The following PSG7 variants were observed in gnomAD, a reference collection of about 807,000 sequenced individuals.
PSG7 encodes the protein pregnancy specific beta-1-glycoprotein 7, also known as pregnancy-specific beta-1-glycoprotein 7.
PSG7 carries 57 observed loss-of-function variants against 45.6 expected under a neutral mutation model. That is an observed-to-expected ratio of 1.25 (90% CI 1.01 to 1.56). The LOEUF (loss-of-function observed/expected upper bound fraction) is 1.56, where lower values mean the gene tolerates loss of function less well. PSG7 is among the 40% of genes most tolerant of loss of function. The pLI is 0.00. For missense variants in PSG7, 796 were observed against 508.4 expected, an observed-to-expected ratio of 1.57 and a Z score of -5.44; for synonymous variants, 298 against 194.4, an observed-to-expected ratio of 1.53 and a Z score of -4.43.
chr19:42,931,694 G>T (rs1015988461), intron 2 of PSG7, among the ~76,000 whole-genome samples: 3 of 151,402 alleles, frequency 2.0e-5, no homozygotes, highest in African/African-American at 7.3e-5. Flanking sequence ...TCATCATGAG[G>T]AAACAGTTGT....
chr19:42,936,890 AC>A, intron 1 of PSG7, 122 bp downstream of exon 1: 3 of 1,424,852 alleles, frequency 2.1e-6, no homozygotes, highest in African/African-American at 1.4e-5. Context: ...CTCTTGATCC[AC>A]CCACCTCAGC....
At chr19:42,928,281 C>A (rs1600564729) in intron 3 of PSG7, among the ~76,000 whole-genome samples, 1 of 151,520 alleles carries the variant, frequency 6.6e-6, no homozygotes, top group Non-Finnish European at 1.5e-5. Flanking sequence ...AAGAGCCTGT[C>A]AGCTCAGATT....
intron 3 of PSG7, among the ~76,000 whole-genome samples, chr19:42,927,925 T>G (rs1232812860): frequency 1.3e-5 from 2 of 151,800 alleles, no homozygotes; most frequent in African/African-American, 4.8e-5. Context: ...TTTCTTTCAT[T>G]TTTTGATTCT....
In PSG7 at chr19:42,929,690, C is replaced by T. The variant is rs374761450; in HGVS notation, c.461G>A (p.Ser154Asn). ...LETPKPSISS[S>N]NFNPREATEA... ...CGTGGCCTCCCTGGGGTTGAAATTG[C>T]TGCTGGAGATGGAGGGTTTGGGAGT... Residue 154 changes from serine to asparagine, a missense_variant, in exon 3 of 6, where the codon AGC becomes AAC. Coordinates refer to ENST00000406070, the MANE Select transcript of PSG7 (RefSeq NM_002783.3). 43 of 1,612,182 alleles carry T rather than the reference C, an allele frequency of 2.7e-5. 1 individual carries two copies. Among genetic ancestry groups the T allele is most frequent in the Non-Finnish European group, 3.6e-5 (43 of 1,179,130 alleles).
At chr19:42,933,305 ATATTT>A (rs1417906817) in intron 2 of PSG7, among the ~76,000 whole-genome samples, 12 of 13,728 alleles carry the variant, frequency 8.7e-4, no homozygotes, top group Admixed American at 6.3e-3. Flanking sequence ...ATATATATAT[ATATTT>A]TTTTTTTTTT....
intron 2 of PSG7, among the ~76,000 whole-genome samples, chr19:42,932,876 A>G (rs370655596): frequency 6.6e-5 from 10 of 151,366 alleles, no homozygotes; most frequent in African/African-American, 1.9e-4. Context: ...TCATTTGGCA[A>G]GAGTTTACAA....
intron 5 of PSG7, 148 bp downstream of exon 5, chr19:42,925,625 A>T: frequency 6.6e-7 from 1 of 1,511,550 alleles, no homozygotes; most frequent in Non-Finnish European, 8.9e-7. Flanking sequence ...GTTCTTAGAC[A>T]AATTTGGAGG....
rs782642468 is a variant in PSG7, at chr19:42,935,705, T to G, written c.129A>C (p.Pro43=). The G allele has an allele frequency of 4.3e-5, 70 of 1,611,816 alleles. 2 individuals are homozygous for G. Among genetic ancestry groups the G allele is most frequent in the Non-Finnish European group, 5.4e-5 (64 of 1,179,030 alleles). The change falls in exon 2 of 6, where the codon CCA becomes CCC. Residue 43 remains proline (P), a synonymous_variant. Transcript: ENST00000406070. ...TAQVTIEAQP[P]KVSEGKDVLL... is the part of the protein sequence containing the mutation. ...GAACATCCTTCCCCTCGGAAACTTT[T>G]GGTGGCTGGGCTTCAATCGTGACTT...
At position 42,926,335 on chromosome 19, in the gene PSG7, A is replaced by T. The variant is rs10404780; in HGVS notation, c.988+103T>A. 4.0e-3 allele frequency: 6,278 copies of T among 1,563,494 alleles called. 313 individuals are homozygous for T. In the African/African-American group the frequency reaches 0.075, roughly 19 times the overall value. On this transcript the variant is annotated intron_variant, in intron 4 of 5. Transcript: ENST00000406070. ...CGGATGTCCAGAAGTAAATATGTCT[A>T]TACTTGGACCGGAGAGAGACTGAGA...
At chr19:42,931,418 A>G (rs1331834272) in intron 2 of PSG7, among the ~76,000 whole-genome samples, 2 of 151,704 alleles carry the variant, frequency 1.3e-5, no homozygotes, top group East Asian at 3.9e-4. Context: ...TCAATTACAT[A>G]AAGAGAGGAA....
intron 2 of PSG7, among the ~76,000 whole-genome samples, chr19:42,933,203 C>G (rs1973057908): frequency 7.3e-6 from 1 of 137,708 alleles, no homozygotes; most frequent in South Asian, 2.4e-4. Flanking sequence ...TAATAAACCT[C>G]TGTCCTCCTG....
chr19:42,934,697 TTC>T (rs1282231288), intron 2 of PSG7, among the ~76,000 whole-genome samples: 1 of 151,632 alleles, frequency 6.6e-6, no homozygotes, highest in Non-Finnish European at 1.5e-5. Context: ...CTGGTACATC[TTC>T]TCTCTTCTGT....
chr19:42,932,126 C>G (rs1255265823), intron 2 of PSG7, among the ~76,000 whole-genome samples: 1 of 151,324 alleles, frequency 6.6e-6, no homozygotes. Context: ...CGGTTTCACT[C>G]CATTCTCCTG....
chr19:42,933,289 ATATATATATATATATATATTTT>A (rs1179795495), intron 2 of PSG7, among the ~76,000 whole-genome samples: 4 of 8,900 alleles, frequency 4.5e-4, no homozygotes, highest in African/African-American at 1.3e-3. Context: ...ATATATATAT[ATATATATATATATATATATTTT>A]TTTTTTTTTT....
Position 42,926,366 on chromosome 19 carries a change from G to A in PSG7, c.988+72C>T. On this transcript the variant is annotated intron_variant, in intron 4 of 5. Coordinates refer to ENST00000406070, the MANE Select transcript of PSG7 (RefSeq NM_002783.3). ...GGACCGGAGAGAGACTGAGAGGACT[G>A]GCCTCTGGTCGTTTGGAGTTAAGCT... 2.5e-6 allele frequency: 4 copies of A among 1,592,198 alleles called. 1 individual carries two copies. Among genetic ancestry groups the A allele is most frequent in the Non-Finnish European group, 3.4e-6 (4 of 1,169,226 alleles).
Position 42,937,070 on chromosome 19 carries a change from G to A in PSG7, c.7C>T (p.Pro3Ser), listed in dbSNP as rs370284670. The change falls in exon 1 of 6, where the codon CCC becomes TCC. Residue 3 changes from proline to serine, a missense_variant. Coordinates refer to ENST00000406070, the MANE Select transcript of PSG7 (RefSeq NM_002783.3). ...TGTGTGCAGGGAGGGGCTGAGAGGG[G>A]CCCCATGGTCTCTGCTCCCTGCGTG... MG[P>S]LSAPPCTQHI... 3.1e-6 allele frequency: 5 copies of A among 1,611,280 alleles called. No homozygotes were observed. The South Asian group carries it at 5.5e-5, about 18-fold the overall frequency.
intron 5 of PSG7, 50 bp from the exon 6 acceptor site, chr19:42,924,874 A>G (rs574214313): frequency 1.3e-6 from 1 of 764,114 alleles, no homozygotes; most frequent in Non-Finnish European, 2.4e-6. Flanking sequence ...CTGCAATCTC[A>G]TAACAGGTGT....
chr19:42,935,239 G>T (rs1377265662), intron 2 of PSG7, among the ~76,000 whole-genome samples, 165 bp downstream of exon 2: 1 of 151,886 alleles, frequency 6.6e-6, no homozygotes, highest in Admixed American at 6.6e-5. Flanking sequence ...CTGATCTGTT[G>T]AAATTTGTCT....
chr19:42,926,296 A>G, intron 4 of PSG7, 142 bp downstream of exon 4: 8 of 1,501,244 alleles, frequency 5.3e-6, no homozygotes, highest in Non-Finnish European at 7.1e-6. Context: ...CAGGGCAGGG[A>G]GTCATGGCCA....
Sources: allele counts gnomAD v4.1 joint callset (sites outside exome capture counted in the v4.1 genomes callset), GRCh38; gene constraint gnomAD v4.1.1; transcripts MANE v1.5; gene names NCBI Gene and HGNC (gene_info 2026-07-23, HGNC 2026-07-21).